Variants in PDCD4 observed in about 807,000 individuals in gnomAD.
The protein encoded by PDCD4 is programmed cell death protein 4.
A neutral mutation model predicts 54.0 loss-of-function variants in PDCD4; 56 were observed. The ratio of observed to expected loss-of-function variants is 1.04; its 90% CI spans 0.84 to 1.30. The LOEUF (loss-of-function observed/expected upper bound fraction) is 1.30. PDCD4 is among the 50% of genes most tolerant of loss of function. PDCD4 has a pLI of 0.00. For synonymous variants in PDCD4, 186 were observed against 194.8 expected (o/e 0.95, Z 0.37); for missense variants, 584 against 559.8 (o/e 1.04, Z -0.44).
chr10:110,877,538 T>C (rs1223299717), intron 2 of PDCD4, among the ~76,000 whole-genome samples: 2 of 152,216 alleles, frequency 1.3e-5, no homozygotes, highest in Non-Finnish European at 2.9e-5. Context: ...TTAATGTGGC[T>C]ACTGGAAAAT....
In PDCD4 at chr10:110,876,042, T is replaced by A. The variant is rs1357664180; in HGVS notation, c.15T>A (p.Asn5Lys). ...ATTAAGGGAAAATGGATGTAGAAAA[T>A]GAGCAGATACTGAATGTAAACCCTG... MDVE[N>K]EQILNVNPAD... The change falls in exon 2 of 12, where the codon AAT (asparagine) becomes AAA (lysine). Residue 5 changes from asparagine (N) to lysine (K), a missense_variant. Physicochemically the swap from Asn to Lys is moderately conservative, Grantham distance 94. Transcript: ENST00000280154. 4 of 1,610,624 alleles carry A rather than the reference T, an allele frequency of 2.5e-6. No individual in the cohort carries two copies.
In PDCD4 at chr10:110,898,897, T is replaced by TA. The variant is rs1453342679; in HGVS notation, c.*810dup. 6.6e-6 allele frequency: 1 copy of TA among 152,434 alleles called. No individual in the cohort carries two copies. The highest frequency in any genetic ancestry group is 2.4e-5 in the African/African-American group (1 of 41,446). 9.4% of individuals were successfully genotyped at this position (152,434 alleles called of 1,614,324 possible). On this transcript the variant is annotated 3_prime_UTR_variant, in exon 12 of 12. Coordinates refer to ENST00000280154, the MANE Select transcript of PDCD4 (RefSeq NM_014456.5). ...TCCCTACAAAATTTTAAGTGAAAAATACAATAGTAAATTAAGATTACACTG... is the reference window on the plus strand; with the variant it reads ...TCCCTACAAAATTTTAAGTGAAAAATAACAATAGTAAATTAAGATTACACTG...
intron 1 of PDCD4, among the ~76,000 whole-genome samples, chr10:110,874,845 A>AT (rs761118016): frequency 6.6e-6 from 1 of 152,154 alleles, no homozygotes; most frequent in Non-Finnish European, 1.5e-5. Context: ...GGCTCTGTAT[A>AT]TATCATTGTT....
chr10:110,872,535 G>A (rs1042582552), intron 1 of PDCD4, among the ~76,000 whole-genome samples: 11 of 152,194 alleles, frequency 7.2e-5, no homozygotes, highest in African/African-American at 2.7e-4. Context: ...CTCGGCCCCG[G>A]CCCAGCCCCT....
chr10:110,872,439 A>G (rs1211286210), intron 1 of PDCD4, among the ~76,000 whole-genome samples: 1 of 151,898 alleles, frequency 6.6e-6, no homozygotes, highest in East Asian at 1.9e-4. Context: ...CCTGTGAGGA[A>G]GATTCGCGCC....
At position 110,875,999 on chromosome 10, in the gene PDCD4, T is replaced by C; in HGVS notation, c.-29T>C. On this transcript the variant is annotated 5_prime_UTR_variant, in exon 2 of 12. Transcript: ENST00000280154. ...GGAAGATTTCCATTAGGTAATTTGTTTAATCAGTGCAAGCGAAATTAAGGG... is the reference window on the plus strand; with the variant it reads ...GGAAGATTTCCATTAGGTAATTTGTCTAATCAGTGCAAGCGAAATTAAGGG... The C allele has an allele frequency of 6.4e-7, 1 of 1,557,790 alleles. No individual in the cohort carries two copies. The highest frequency in any genetic ancestry group is 8.7e-7 in the Non-Finnish European group (1 of 1,144,604).
At chr10:110,895,690 C>T (rs890859039) in intron 10 of PDCD4, among the ~76,000 whole-genome samples, 2 of 152,144 alleles carry the variant, frequency 1.3e-5, no homozygotes, top group African/African-American at 4.8e-5. Context: ...ATTTGCATTC[C>T]CACCAACAGC....
chr10:110,897,894 GCTTT>G, intron 11 of PDCD4, 130 bp from the exon 12 acceptor site: 1 of 495,420 alleles, frequency 2.0e-6, no homozygotes, highest in Non-Finnish European at 3.5e-6. Context: ...TTAGAGGCAT[GCTTT>G]TTTTTTTTAA....
chr10:110,881,584 A>G (rs756679786), intron 3 of PDCD4, 49 bp downstream of exon 3: 5 of 1,508,964 alleles, frequency 3.3e-6, no homozygotes, highest in Non-Finnish European at 4.5e-6. Context: ...AGTGGAAAAA[A>G]ATTGTCTGGT....
intron 2 of PDCD4, among the ~76,000 whole-genome samples, chr10:110,876,335 T>G (rs1275290912): frequency 6.6e-6 from 1 of 152,190 alleles, no homozygotes. Flanking sequence ...GACTATGTTG[T>G]GAGGAAGCTT....
In PDCD4 at chr10:110,896,156, AAGTT is replaced by A. The variant is rs1845829200; in HGVS notation, c.1349+74_1349+77del. ...GAGATCTTTGGGAAGGTTAACTGCT[AAGTT>A]AGTTTATCGTTCCCTGAAGTCACTG... is the stretch of plus-strand genomic sequence containing the variant. On this transcript the variant is annotated intron_variant, in intron 11 of 11. Coordinates refer to ENST00000280154, the MANE Select transcript of PDCD4 (RefSeq NM_014456.5). 3.2e-5 allele frequency: 38 copies of A among 1,200,510 alleles called. 1 individual carries two copies. The South Asian group carries it at 5.4e-4, about 17-fold the overall frequency. The allele number at this position is 1,200,510 out of a possible 1,614,324, so 74.4% of individuals were successfully genotyped here.
At chr10:110,879,026 T>C (rs1286634210) in intron 2 of PDCD4, among the ~76,000 whole-genome samples, 4 of 152,232 alleles carry the variant, frequency 2.6e-5, no homozygotes, top group Admixed American at 2.0e-4. Flanking sequence ...TTGAAAACTT[T>C]TAAGGCATTG....
At position 110,894,194 on chromosome 10, in the gene PDCD4, A is replaced by T. The variant is rs756635108; in HGVS notation, c.1094A>T (p.Tyr365Phe). 48 of 1,529,558 alleles carry T rather than the reference A, an allele frequency of 3.1e-5. No individual in the cohort carries two copies. In the South Asian group the frequency reaches 4.8e-4, roughly 15 times the overall value. The allele number at this position is 1,529,558 out of a possible 1,614,324, so 94.7% of individuals were successfully genotyped here. A position where few individuals can be genotyped will look rare whatever the true frequency, so the allele number is the denominator to read the frequency against. The change falls in exon 9 of 12, where the codon TAT (tyrosine) becomes TTT (phenylalanine). Residue 365 changes from tyrosine (Y) to phenylalanine (F), a missense_variant. Transcript: ENST00000280154. ...EVPHFHHELV[Y>F]EAIIMVLEST... ...CCTCATTTTCACCATGAGCTTGTATATGAAGTAAGATTACCTTGCCATGTC... is the reference window on the plus strand; with the variant it reads ...CCTCATTTTCACCATGAGCTTGTATTTGAAGTAAGATTACCTTGCCATGTC...
chr10:110,881,560 A>G (rs1459648545), intron 3 of PDCD4, 25 bp downstream of exon 3: 1 of 1,568,066 alleles, frequency 6.4e-7, no homozygotes. Context: ...TGTCCAACAA[A>G]TGGAAGATAA....
At chr10:110,896,420 C>CTAG (rs1287987773) in intron 11 of PDCD4, among the ~76,000 whole-genome samples, 2 of 152,168 alleles carry the variant, frequency 1.3e-5, no homozygotes, top group Non-Finnish European at 2.9e-5. Context: ...GGTCACATGG[C>CTAG]TAGTACATGG....
chr10:110,886,500 C>G (rs1388125796), intron 5 of PDCD4, among the ~76,000 whole-genome samples: 1 of 152,040 alleles, frequency 6.6e-6, no homozygotes, highest in African/African-American at 2.4e-5. Flanking sequence ...ACAAGGACAC[C>G]AGTTACGTGG....
chr10:110,897,188 CCT>C (rs1845850510), intron 11 of PDCD4, among the ~76,000 whole-genome samples: 2 of 152,294 alleles, frequency 1.3e-5, no homozygotes, highest in Admixed American at 6.5e-5. Flanking sequence ...AGTTTTTCAG[CCT>C]CTGTTTGAAA....
intron 4 of PDCD4, 84 bp from the exon 5 acceptor site, chr10:110,885,169 C>T (rs1000735751): frequency 1.5e-6 from 1 of 676,728 alleles, no homozygotes; most frequent in South Asian, 1.8e-5. Context: ...TTATTAACCA[C>T]TTAGAATATA....
At chr10:110,893,329 G>A (rs574529754) in intron 8 of PDCD4, among the ~76,000 whole-genome samples, 10 of 151,174 alleles carry the variant, frequency 6.6e-5, no homozygotes, top group African/African-American at 2.2e-4. Flanking sequence ...TCTTATAGAA[G>A]TTGGAAGGAT....
Sources: allele counts gnomAD v4.1 joint callset (sites outside exome capture counted in the v4.1 genomes callset), GRCh38; gene constraint gnomAD v4.1.1; transcripts MANE v1.5; gene names NCBI Gene and HGNC (gene_info 2026-07-23, HGNC 2026-07-21).